Variants in TTC19 observed in about 807,000 individuals in gnomAD.
TTC19 encodes the protein tetratricopeptide repeat domain 19, also known as tetratricopeptide repeat protein 19, mitochondrial.
TTC19 carries 38 observed loss-of-function variants against 49.5 expected under a neutral mutation model. The observed-to-expected ratio is 0.77, with a 90% CI of 0.59 to 1.01. The LOEUF (loss-of-function observed/expected upper bound fraction) is 1.01. Ranked by LOEUF, TTC19 falls within the 50% of genes least tolerant of loss-of-function variation. TTC19 has a pLI of 0.00. For synonymous variants in TTC19, 204 were observed against 185.2 expected (o/e 1.10, Z -0.83); for missense variants, 475 against 477.7 (o/e 0.99, Z 0.05).
At chr17:16,011,411 G>A (rs140597416) in intron 7 of TTC19, among the ~76,000 whole-genome samples, 45 of 152,246 alleles carry the variant, frequency 3.0e-4, no homozygotes, top group Middle Eastern at 3.4e-3. Context: ...TGACTTAGGT[G>A]ATCCACCCGC....
intron 7 of TTC19, chr17:16,023,606 A>G (rs1971450191): frequency 6.6e-6 from 1 of 152,214 alleles, no homozygotes; most frequent in Non-Finnish European, 1.5e-5. Context: ...TTGAAGATTC[A>G]TTTGATGAAT....
rs748253038 is a variant in TTC19 at position 16,027,572 on chromosome 17, T to TATCA, written c.*51_*54dup. 4 of 1,599,794 alleles carry TATCA rather than the reference T, an allele frequency of 2.5e-6. No homozygotes were observed. The highest frequency in any genetic ancestry group is 1.7e-5 in the Admixed American group (1 of 59,972). On this transcript the variant is annotated 3_prime_UTR_variant, in exon 10 of 10. Transcript: ENST00000261647. Reference sequence around the variant, plus strand: ...ATGTCTAGTAATGTGGAAGAATAGCTATCATTCCTGTCTCTGTGGCACCCG... The same window carrying TATCA: ...ATGTCTAGTAATGTGGAAGAATAGCTATCAATCATTCCTGTCTCTGTGGCACCCG...
chr17:16,038,777 A>G (rs544519296), intron 2 of TTC19, among the ~76,000 whole-genome samples: 17 of 150,060 alleles, frequency 1.1e-4, no homozygotes, highest in African/African-American at 4.2e-4. Context: ...GTGTCTGTGT[A>G]TGTATGTATT....
downstream of TTC19, among the ~76,000 whole-genome samples, chr17:16,033,892 G>A (rs762940386): frequency 2.6e-5 from 4 of 151,568 alleles, no homozygotes; most frequent in African/African-American, 9.7e-5. Context: ...TGCAATTTCC[G>A]CCTCCCAGGT....
chr17:16,027,227 G>C, intron 9 of TTC19, 147 bp from the exon 10 acceptor site: 2 of 900,030 alleles, frequency 2.2e-6, no homozygotes. Context: ...CAGCCTGTCA[G>C]ATGGGGATGA....
Position 16,028,842 on chromosome 17 carries a change from A to AAAAAAAC in TTC19, c.*1324_*1325insAACAAAA. 1 of 378,386 alleles carries AAAAAAAC rather than the reference A, an allele frequency of 2.6e-6. No individual in the cohort carries two copies. Among genetic ancestry groups the AAAAAAAC allele is most frequent in the Non-Finnish European group, 5.0e-6 (1 of 198,340 alleles). 23.4% of individuals were successfully genotyped at this position (378,386 alleles called of 1,614,324 possible). Reference sequence around the variant, plus strand: ...TCAAAAAAAAAAAAAAAAAAAAAAAAAAAACTTTCTGAAGAAAATAAAAAC... The same window carrying AAAAAAAC: ...TCAAAAAAAAAAAAAAAAAAAAAAAAAAAAAACAAAACTTTCTGAAGAAAATAAAAAC... On this transcript the variant is annotated 3_prime_UTR_variant, in exon 10 of 10. Transcript: ENST00000261647.
chr17:16,044,095 G>A (rs2058218401), intron 2 of TTC19, among the ~76,000 whole-genome samples: 1 of 151,312 alleles, frequency 6.6e-6, no homozygotes, highest in South Asian at 2.1e-4. Context: ...CTTGAACCCG[G>A]GAGGCGGAGG....
intron 7 of TTC19, among the ~76,000 whole-genome samples, chr17:16,012,518 T>C (rs571216792): frequency 1.3e-5 from 2 of 152,202 alleles, no homozygotes; most frequent in East Asian, 3.9e-4. Context: ...AATAGACAAG[T>C]GATCCAGCAT....
rs535765668 is a variant in TTC19 at position 16,018,502 on chromosome 17, TTTTGA to T, written c.677-6510_677-6506del. On this transcript the variant is annotated intron_variant, in intron 7 of 9. Coordinates refer to ENST00000261647, the MANE Select transcript of TTC19 (RefSeq NM_017775.4). ...AAGAAAAGTCAGTTCTGTGCTTTTCTTTTGATTTGTTTTTTGTTTTTTGAGATAGG... is the reference window on the plus strand; with the variant it reads ...AAGAAAAGTCAGTTCTGTGCTTTTCTTTTGTTTTTTGTTTTTTGAGATAGG... Among the ~76,000 whole-genome samples the T allele has an allele frequency of 3.9e-5, 6 of 152,316 alleles. No homozygotes were observed. In the South Asian group the frequency reaches 1.0e-3, roughly 26 times the overall value.
chr17:16,015,358 A>G (rs142184087), intron 7 of TTC19, among the ~76,000 whole-genome samples: 45 of 151,140 alleles, frequency 3.0e-4, no homozygotes, highest in Middle Eastern at 3.4e-3. Context: ...TATTGAATAA[A>G]TGAACGTATG....
chr17:16,032,070 A>G (rs2151748176), downstream of TTC19: 1 of 497,348 alleles, frequency 2.0e-6, no homozygotes, highest in East Asian at 3.6e-5. Flanking sequence ...CACTATTATT[A>G]TAGTCCACTG....
At chr17:16,044,123 C>T (rs564428053) in intron 2 of TTC19, among the ~76,000 whole-genome samples, 201 of 139,290 alleles carry the variant, frequency 1.4e-3, no homozygotes, top group African/African-American at 4.9e-3. Flanking sequence ...GAGCCGAGAT[C>T]GTGCCACTGC....
In TTC19 at chr17:16,039,449, G is replaced by T. The variant is rs752130646; in HGVS notation, c.248-5054G>T. 4 of 1,613,926 alleles carry T rather than the reference G, an allele frequency of 2.5e-6. No individual in the cohort carries two copies. The highest frequency in any genetic ancestry group is 1.7e-5 in the Admixed American group (1 of 60,018). ...AAGCTGTACCTGAATGAGGTGATGG[G>T]TCCCCTTCCTCTCTTCGTGTCTCAC... On this transcript the variant is annotated intron_variant, in intron 2 of 2. Coordinates refer to the TTC19 transcript ENST00000470649.
intron 2 of TTC19, among the ~76,000 whole-genome samples, chr17:16,042,927 C>T (rs2058009172): frequency 1.3e-5 from 2 of 152,092 alleles, no homozygotes; most frequent in African/African-American, 4.8e-5. Context: ...AGCATACAAG[C>T]GACCATTCAA....
rs1297351229 is a variant in TTC19 at position 16,004,179 on chromosome 17, CTTCA to C, written c.520-18_520-15del. ...AAAAAATTTACTTGTTATGAGTTCC[CTTCA>C]TTCTCTTTCTCTCACAGGAGGACAA... is the stretch of plus-strand genomic sequence containing the variant. On this transcript the variant is annotated intron_variant, in intron 5 of 9. Transcript: ENST00000261647. 10 of 1,612,386 alleles carry C rather than the reference CTTCA, an allele frequency of 6.2e-6. No individual in the cohort carries two copies. The highest frequency in any genetic ancestry group is 8.5e-6 in the Non-Finnish European group (10 of 1,178,482).
chr17:16,028,100 CG>C lies in TTC19; in HGVS notation c.*579del. 1 of 454,002 alleles carries C rather than the reference CG, an allele frequency of 2.2e-6. No homozygotes were observed. The highest frequency in any genetic ancestry group is 4.4e-6 in the Non-Finnish European group (1 of 226,772). 28.1% of individuals were successfully genotyped at this position (454,002 alleles called of 1,614,324 possible). Reference sequence around the variant, plus strand: ...GAAGTTGTAAAGTGGGGATTAGGCACGTGACAGTATAGCACCCATTTGAATT... The same window carrying C: ...GAAGTTGTAAAGTGGGGATTAGGCACTGACAGTATAGCACCCATTTGAATT... On this transcript the variant is annotated 3_prime_UTR_variant, in exon 10 of 10. Transcript: ENST00000261647.
intron 2 of TTC19, among the ~76,000 whole-genome samples, chr17:16,041,458 G>C (rs749379700): frequency 8.8e-6 from 1 of 113,108 alleles, no homozygotes; most frequent in African/African-American, 3.5e-5. Context: ...TTGTCACCCA[G>C]GCTGGAGTGC....
Position 15,999,858 on chromosome 17 carries a change from C to A in TTC19, c.10C>A (p.Leu4Ile). Residue 4 changes from leucine (L) to isoleucine (I), a missense_variant, in exon 1 of 10, where the codon CTC (leucine) becomes ATC (isoleucine). By Grantham distance (5) the Leu-to-Ile change is conservative (BLOSUM62 2). Coordinates refer to ENST00000261647, the MANE Select transcript of TTC19 (RefSeq NM_017775.4). The part of the protein sequence containing the change: MFR[L>I]LSWSLGRGFL... ...AGGACGCGGCGGGAGCATGTTCCGG[C>A]TCCTGAGCTGGAGCCTGGGCCGAGG... is the stretch of plus-strand genomic sequence containing the variant. 1 of 1,510,816 alleles carries A rather than the reference C, an allele frequency of 6.6e-7. No homozygotes were observed. Among genetic ancestry groups the A allele is most frequent in the Non-Finnish European group, 8.8e-7 (1 of 1,136,822 alleles). The allele number at this position is 1,510,816 out of a possible 1,614,324, so 93.6% of individuals were successfully genotyped here.
At chr17:16,004,408 G>A in intron 6 of TTC19, 146 bp downstream of exon 6, 2 of 827,300 alleles carry the variant, frequency 2.4e-6, no homozygotes, top group South Asian at 1.4e-5. Flanking sequence ...CTTTGAAATT[G>A]TCAGTCTTTT....
Sources: gnomAD v4.1 joint callset for allele counts (sites outside exome capture counted in the v4.1 genomes callset) on GRCh38, gnomAD v4.1.1 for gene constraint, MANE v1.5 for transcripts, NCBI Gene and HGNC (gene_info 2026-07-23, HGNC 2026-07-21) for gene names.